Variants in MCC observed in about 807,000 individuals in gnomAD.
MCC encodes the protein colorectal mutant cancer protein.
In MCC, 90 loss-of-function variants were observed where a neutral mutation model predicts 116.2. That is an observed-to-expected ratio of 0.77 (90% CI 0.65 to 0.92). The LOEUF (loss-of-function observed/expected upper bound fraction) is 0.92, where lower values mean the gene tolerates loss of function less well. Ranked by LOEUF, MCC falls within the 40% of genes least tolerant of loss-of-function variation. The pLI is 0.00. For synonymous variants in MCC, 578 were observed against 510.5 expected, an observed-to-expected ratio of 1.13 and a Z score of -1.78; for missense variants, 1,516 against 1,312.2, an observed-to-expected ratio of 1.16 and a Z score of -2.40.
At chr5:113,123,694 C>T (rs531598361) in intron 5 of MCC, among the ~76,000 whole-genome samples, 9 of 152,180 alleles carry the variant, frequency 5.9e-5, no homozygotes, top group South Asian at 2.1e-4. Flanking sequence ...ACCACACATA[C>T]ACTGGACACA....
At chr5:113,378,239 C>T (rs1769031678) in intron 2 of MCC, among the ~76,000 whole-genome samples, 1 of 152,160 alleles carries the variant, frequency 6.6e-6, no homozygotes, top group African/African-American at 2.4e-5. Flanking sequence ...CTGTCTCAAC[C>T]ACATATTCTT....
Position 113,299,292 on chromosome 5 carries a change from C to CAAAAAAAAAAA in MCC, c.627+41216_627+41226dup, listed in dbSNP as rs58372049. Reference sequence around the variant, plus strand: ...TGGGCAACAGAGTGAGACTCCGTCTCAAAAAAAAAAAAAAAAAAAAAAAAA... The same window carrying CAAAAAAAAAAA: ...TGGGCAACAGAGTGAGACTCCGTCTCAAAAAAAAAAAAAAAAAAAAAAAAAAAAAAAAAAAA... On this transcript the variant is annotated intron_variant, in intron 3 of 18. Transcript: ENST00000408903. Among the ~76,000 whole-genome samples, 19 of 52,078 alleles carry CAAAAAAAAAAA rather than the reference C, an allele frequency of 3.6e-4. 3 individuals are homozygous for CAAAAAAAAAAA. Among genetic ancestry groups the CAAAAAAAAAAA allele is most frequent in the East Asian group, 1.5e-3 (2 of 1,310 alleles). 34.2% of individuals were successfully genotyped at this position (52,078 alleles called of 152,430 possible).
chr5:113,432,322 A>G (rs1770681127), intron 1 of MCC, among the ~76,000 whole-genome samples: 1 of 98,596 alleles, frequency 1.0e-5, no homozygotes, highest in Admixed American at 9.0e-5. Flanking sequence ...CTCTGTCTCA[A>G]AAAAAAAAAA....
chr5:113,108,971 C>A (rs1271355240), intron 6 of MCC, among the ~76,000 whole-genome samples: 1 of 152,124 alleles, frequency 6.6e-6, no homozygotes, highest in Admixed American at 6.5e-5. Context: ...CACAGGAGGA[C>A]GAGGAGACTG....
intron 6 of MCC, among the ~76,000 whole-genome samples, chr5:113,120,092 C>A (rs186188628): frequency 1.3e-5 from 2 of 152,232 alleles, no homozygotes; most frequent in East Asian, 3.9e-4. Context: ...AAGTGAATGG[C>A]GGGATCAGTA....
At chr5:113,149,454 T>C (rs535519605) in intron 4 of MCC, among the ~76,000 whole-genome samples, 6 of 152,216 alleles carry the variant, frequency 3.9e-5, no homozygotes, top group Admixed American at 1.3e-4. Context: ...AGTATTAACA[T>C]CCTATAGTGG....
chr5:113,279,341 A>G (rs535539595), intron 3 of MCC, among the ~76,000 whole-genome samples: 8 of 152,318 alleles, frequency 5.3e-5, no homozygotes, highest in African/African-American at 9.6e-5. Flanking sequence ...GGAATATTAC[A>G]GTGTCGTATT....
intron 3 of MCC, among the ~76,000 whole-genome samples, chr5:113,248,616 C>T (rs1190554071): frequency 6.6e-6 from 1 of 152,016 alleles, no homozygotes; most frequent in Non-Finnish European, 1.5e-5. Context: ...TGTTGAAACC[C>T]CGGTTGACCC....
At chr5:113,060,137 A>C (rs1043628598) in intron 14 of MCC, among the ~76,000 whole-genome samples, 1 of 151,558 alleles carries the variant, frequency 6.6e-6, no homozygotes, top group African/African-American at 2.4e-5. Context: ...TCCATCAAGG[A>C]GCAGCTCTTT....
chr5:113,439,119 T>A (rs1770953570), intron 1 of MCC, among the ~76,000 whole-genome samples: 1 of 152,152 alleles, frequency 6.6e-6, no homozygotes, highest in Non-Finnish European at 1.5e-5. Context: ...AGGTTGAAAA[T>A]TCCAAGAGAT....
chr5:113,033,282 A>C lies in MCC; in HGVS notation c.2757-4226T>G, dbSNP rs1041956311. ...TCAGGCAAGCTTGAGGGACTGGCGT[A>C]AGGCAGAAGAGTTCCTCACCTGGAC... On this transcript the variant is annotated intron_variant, in intron 17 of 18. Coordinates refer to ENST00000408903, the MANE Select transcript of MCC (RefSeq NM_001085377.2). 4.6e-5 allele frequency among the ~76,000 whole-genome samples: 7 copies of C among 152,356 alleles called. No homozygotes were observed. The South Asian group carries it at 1.4e-3, about 32-fold the overall frequency.
At chr5:113,133,470 TC>T (rs1758593693) in intron 5 of MCC, among the ~76,000 whole-genome samples, 1 of 151,222 alleles carries the variant, frequency 6.6e-6, no homozygotes, top group Non-Finnish European at 1.5e-5. Context: ...AGGATTTCAT[TC>T]TTTTTTTTTT....
Position 113,115,144 on chromosome 5 carries a change from C to G in MCC, c.1027+7540G>C, listed in dbSNP as rs576444873. On this transcript the variant is annotated intron_variant, in intron 6 of 18. Transcript: ENST00000408903. ...GGGCCATCACGGAGTTTTGCTCCTG[C>G]TGGTGCTCAAAAGCACTTGTTCCGG... Among the ~76,000 whole-genome samples the G allele has an allele frequency of 2.0e-5, 3 of 152,316 alleles. No individual in the cohort carries two copies. In the East Asian group the frequency reaches 5.8e-4, roughly 29 times the overall value.
chr5:113,066,816 C>T (rs1180660357), intron 13 of MCC, among the ~76,000 whole-genome samples: 2 of 152,208 alleles, frequency 1.3e-5, no homozygotes, highest in Non-Finnish European at 2.9e-5. Flanking sequence ...AAATCCAGTC[C>T]ATGACAGAGG....
chr5:113,443,564 G>T (rs1276943386), intron 1 of MCC, among the ~76,000 whole-genome samples: 2 of 152,082 alleles, frequency 1.3e-5, no homozygotes, highest in Non-Finnish European at 2.9e-5. Flanking sequence ...GGGCATCCTT[G>T]TCTTATGCCG....
At position 113,460,461 on chromosome 5, in the gene MCC, C is replaced by T. The variant is rs527810030; in HGVS notation, c.170+27784G>A. Among the ~76,000 whole-genome samples the T allele has an allele frequency of 2.6e-5, 4 of 152,284 alleles. No individual in the cohort carries two copies. In the East Asian group the frequency reaches 7.7e-4, roughly 29 times the overall value. Reference sequence around the variant, plus strand: ...CTCCTCTTTACCTTGTCTTTTCCCCCAAACACACACCACACACATTGTGAG... The same window carrying T: ...CTCCTCTTTACCTTGTCTTTTCCCCTAAACACACACCACACACATTGTGAG... On this transcript the variant is annotated intron_variant, in intron 1 of 18. Coordinates refer to ENST00000408903, the MANE Select transcript of MCC (RefSeq NM_001085377.2).
intron 3 of MCC, among the ~76,000 whole-genome samples, chr5:113,217,676 G>A (rs1253094846): frequency 3.3e-5 from 5 of 149,596 alleles, no homozygotes; most frequent in African/African-American, 1.3e-4. Flanking sequence ...GGCAAACTCT[G>A]CCTTCCACCT....
chr5:113,036,012 C>CTTTTT (rs771378295), intron 17 of MCC, among the ~76,000 whole-genome samples: 1 of 62,904 alleles, frequency 1.6e-5, no homozygotes, highest in African/African-American at 6.5e-5. Flanking sequence ...GGATGAGGAA[C>CTTTTT]TTTTTTTTTT....
chr5:113,333,954 G>C (rs1767809257), intron 3 of MCC, among the ~76,000 whole-genome samples: 1 of 137,716 alleles, frequency 7.3e-6, no homozygotes. Flanking sequence ...GGAGACAAAT[G>C]ATTACTTTTA....
Sources: allele counts gnomAD v4.1 joint callset (sites outside exome capture counted in the v4.1 genomes callset), GRCh38; gene constraint gnomAD v4.1.1; transcripts MANE v1.5; gene names NCBI Gene and HGNC (gene_info 2026-07-23, HGNC 2026-07-21).